Variants in CENPC observed in about 807,000 individuals in gnomAD.
CENPC encodes CENP-C 1.
Under a neutral mutation model 112.1 loss-of-function variants are expected in CENPC, and 63 were observed. That is an observed-to-expected ratio of 0.56 (90% CI 0.46 to 0.69). The LOEUF (loss-of-function observed/expected upper bound fraction) is 0.69, where lower values mean the gene tolerates loss of function less well. Ranked by LOEUF, CENPC falls within the 30% of genes least tolerant of loss-of-function variation. The pLI is 0.00. For missense variants in CENPC, 1,000 were observed against 1,103.8 expected, an observed-to-expected ratio of 0.91 and a Z score of 1.33; for synonymous variants, 333 against 367.6, an observed-to-expected ratio of 0.91 and a Z score of 1.08.
intron 4 of CENPC, among the ~76,000 whole-genome samples, chr4:67,531,961 C>A (rs550848260): frequency 6.6e-6 from 1 of 152,214 alleles, no homozygotes; most frequent in Admixed American, 6.5e-5. Flanking sequence ...AACAGGCAAC[C>A]TACAGAATGG....
In CENPC at chr4:67,475,101, C is replaced by G; in HGVS notation, c.2671-123G>C. 4 of 616,598 alleles carry G rather than the reference C, an allele frequency of 6.5e-6. 1 individual carries two copies. The South Asian group carries it at 8.4e-5, about 13-fold the overall frequency. 38.2% of individuals were successfully genotyped at this position (616,598 alleles called of 1,614,324 possible). On this transcript the variant is annotated intron_variant, in intron 17 of 18. Transcript: ENST00000273853. ...AATGTGCTGGCTTTAATCTCCAGAA[C>G]TTGTAAATACATTAAATTTCATGGC...
chr4:67,483,670 T>C (rs866964869), intron 17 of CENPC, among the ~76,000 whole-genome samples: 3 of 152,092 alleles, frequency 2.0e-5, no homozygotes, highest in Non-Finnish European at 4.4e-5. Flanking sequence ...CCAAAGACCT[T>C]ACAGTGGGAC....
chr4:67,491,480 TAG>T (rs71219046), intron 16 of CENPC, among the ~76,000 whole-genome samples: 149 of 18,046 alleles, frequency 8.3e-3, no homozygotes, highest in African/African-American at 9.2e-3. Flanking sequence ...TATATATATA[TAG>T]AGAGAGAGAG....
chr4:67,515,146 T>C (rs1226387686), intron 7 of CENPC, among the ~76,000 whole-genome samples: 1 of 152,020 alleles, frequency 6.6e-6, no homozygotes, highest in East Asian at 1.9e-4. Context: ...AAGTCTAATA[T>C]TTGAATGGAC....
chr4:67,475,064 C>A, intron 17 of CENPC, 86 bp from the exon 18 acceptor site: 1 of 695,298 alleles, frequency 1.4e-6, no homozygotes, highest in Non-Finnish European at 2.5e-6. Context: ...GGAAGAATAA[C>A]GACTCCCCAC....
intron 17 of CENPC, among the ~76,000 whole-genome samples, chr4:67,487,229 T>G (rs1208556686): frequency 6.7e-6 from 1 of 149,360 alleles, no homozygotes; most frequent in African/African-American, 2.6e-5. Flanking sequence ...TTTGATTACC[T>G]AATAGCACAG....
chr4:67,506,555 C>T (rs1319268445), intron 11 of CENPC, among the ~76,000 whole-genome samples: 1 of 152,106 alleles, frequency 6.6e-6, no homozygotes, highest in African/African-American at 2.4e-5. Context: ...GTGGATTCTC[C>T]AGTTCCAGAC....
chr4:67,532,689 T>G (rs1365219071), intron 4 of CENPC, among the ~76,000 whole-genome samples: 1 of 151,634 alleles, frequency 6.6e-6, no homozygotes, highest in Admixed American at 6.6e-5. Flanking sequence ...TAGATGGGAA[T>G]TGAACAATGA....
Position 67,516,171 on chromosome 4 carries a change from C to T in CENPC, c.831-1484G>A, listed in dbSNP as rs187230259. Among the ~76,000 whole-genome samples, 310 of 152,066 alleles carry T rather than the reference C, an allele frequency of 2.0e-3. 2 individuals carry two copies. Among genetic ancestry groups the T allele is most frequent in the Admixed American group, 4.3e-3 (65 of 15,292 alleles). On this transcript the variant is annotated intron_variant, in intron 7 of 18. Transcript: ENST00000273853. ...GGTGTTGAATAAATTAAGACTAGTG[C>T]ATTGAGATTACACAGTACCTCCTCC...
rs182778684 is a variant in CENPC, at chr4:67,491,849, A to G, written c.2515+331T>C. ...CCTTGAGTCTGCCAACTATCTATCT[A>G]CAATTCCCCATAAACAGCCTCTGTT... On this transcript the variant is annotated intron_variant, in intron 16 of 18. Transcript: ENST00000273853. Among the ~76,000 whole-genome samples, 105 of 152,188 alleles carry G rather than the reference A, an allele frequency of 6.9e-4. 1 individual carries two copies. In the East Asian group the frequency reaches 7.9e-3, roughly 11 times the overall value.
At chr4:67,534,309 G>A (rs538485123) in intron 4 of CENPC, among the ~76,000 whole-genome samples, 3 of 152,042 alleles carry the variant, frequency 2.0e-5, no homozygotes, top group East Asian at 3.9e-4. Flanking sequence ...CCAGCTGCTC[G>A]AGAGGCTGAG....
intron 4 of CENPC, among the ~76,000 whole-genome samples, chr4:67,535,478 T>C (rs1726690304): frequency 6.6e-6 from 1 of 151,310 alleles, no homozygotes; most frequent in African/African-American, 2.4e-5. Context: ...CTGAAAATGA[T>C]AAATTAATGT....
At chr4:67,539,462 A>G (rs1726820478) in intron 4 of CENPC, among the ~76,000 whole-genome samples, 1 of 152,210 alleles carries the variant, frequency 6.6e-6, no homozygotes, top group Non-Finnish European at 1.5e-5. Context: ...ATTAAAATAT[A>G]TAATCAACAG....
intron 3 of CENPC, 76 bp from the exon 4 acceptor site, chr4:67,540,010 T>C: frequency 1.4e-6 from 1 of 715,186 alleles, no homozygotes; most frequent in South Asian, 2.3e-5. Flanking sequence ...AGTAGCTGTA[T>C]ATGACATGTG....
intron 17 of CENPC, among the ~76,000 whole-genome samples, chr4:67,482,477 C>A (rs1204134923): frequency 6.6e-6 from 1 of 152,200 alleles, no homozygotes; most frequent in East Asian, 1.9e-4. Context: ...TAATGTGCAA[C>A]TGCAGAAATA....
At chr4:67,542,635 C>G (rs1276200319) in intron 2 of CENPC, among the ~76,000 whole-genome samples, 1 of 152,098 alleles carries the variant, frequency 6.6e-6, no homozygotes, top group African/African-American at 2.4e-5. Context: ...TAGTTAAAAA[C>G]CCCTAGCTGA....
At chr4:67,494,365 T>C (rs1725372847) in intron 13 of CENPC, among the ~76,000 whole-genome samples, 1 of 152,222 alleles carries the variant, frequency 6.6e-6, no homozygotes. Context: ...AGTTGCCTAC[T>C]GCTCTTAGGC....
intron 12 of CENPC, among the ~76,000 whole-genome samples, chr4:67,497,233 C>T (rs529451963): frequency 3.0e-4 from 46 of 151,850 alleles, no homozygotes; most frequent in African/African-American, 1.1e-3. Context: ...CAAAAATTAG[C>T]CGGGCATGGT....
chr4:67,522,513 C>T (rs538775743), intron 5 of CENPC, among the ~76,000 whole-genome samples: 88 of 151,814 alleles, frequency 5.8e-4, no homozygotes, highest in Non-Finnish European at 9.3e-4. Flanking sequence ...CCAAGGGCAA[C>T]TGGAGAGAAT....
Sources: gnomAD v4.1 joint callset for allele counts (sites outside exome capture counted in the v4.1 genomes callset) on GRCh38, gnomAD v4.1.1 for gene constraint, MANE v1.5 for transcripts, NCBI Gene and HGNC (gene_info 2026-07-23, HGNC 2026-07-21) for gene names.